Variants in B3GALT1 observed in about 807,000 individuals in gnomAD.
B3GALT1 encodes beta-1,3-galactosyltransferase 1.
In B3GALT1, 10 loss-of-function variants were observed where a neutral mutation model predicts 23.2. The ratio of observed to expected loss-of-function variants is 0.43; its 90% CI spans 0.27 to 0.73. The LOEUF (loss-of-function observed/expected upper bound fraction) is 0.73. Among genes scored for constraint, B3GALT1 ranks in the 30% least tolerant of loss-of-function variants. B3GALT1 has a pLI of 0.21. For synonymous variants in B3GALT1, 156 were observed against 141.5 expected (o/e 1.10, Z -0.73); for missense variants, 299 against 405.4 (o/e 0.74, Z 2.25).
chr2:167,637,391 C>T (rs1282457936), intron 2 of B3GALT1, among the ~76,000 whole-genome samples: 2 of 151,786 alleles, frequency 1.3e-5, no homozygotes, highest in Non-Finnish European at 1.5e-5. Flanking sequence ...AATATTTTTA[C>T]GTATTTATGG....
intron 3 of B3GALT1, among the ~76,000 whole-genome samples, chr2:167,784,264 C>A (rs1443246892): frequency 6.6e-6 from 1 of 152,172 alleles, no homozygotes; most frequent in East Asian, 1.9e-4. Flanking sequence ...GAGATGTGCA[C>A]CCCTGCAGAG....
At chr2:167,576,002 C>G (rs1684374697) in intron 2 of B3GALT1, among the ~76,000 whole-genome samples, 1 of 151,618 alleles carries the variant, frequency 6.6e-6, no homozygotes, top group South Asian at 2.1e-4. Context: ...CTTAATAAAA[C>G]CCATAAATAA....
intron 1 of B3GALT1, among the ~76,000 whole-genome samples, chr2:167,459,749 AT>A (rs1389759199): frequency 6.6e-6 from 1 of 152,104 alleles, no homozygotes; most frequent in African/African-American, 2.4e-5. Context: ...TCATTTCACC[AT>A]GTAGGACTCC....
chr2:167,406,783 G>GA (rs1412434051), intron 1 of B3GALT1, among the ~76,000 whole-genome samples: 1 of 152,180 alleles, frequency 6.6e-6, no homozygotes, highest in Non-Finnish European at 1.5e-5. Flanking sequence ...CATGCTGTCG[G>GA]ATGGTACATT....
At chr2:167,701,375 G>C (rs1173755999) in intron 3 of B3GALT1, among the ~76,000 whole-genome samples, 1 of 152,082 alleles carries the variant, frequency 6.6e-6, no homozygotes, top group Non-Finnish European at 1.5e-5. Flanking sequence ...AAGATTTCCA[G>C]TGCAGCAGCC....
intron 4 of B3GALT1, among the ~76,000 whole-genome samples, chr2:167,819,000 A>G (rs1159129359): frequency 6.6e-6 from 1 of 152,176 alleles, no homozygotes; most frequent in Non-Finnish European, 1.5e-5. Flanking sequence ...TTCTTTTTTA[A>G]AATTTTTAAT....
intron 2 of B3GALT1, among the ~76,000 whole-genome samples, chr2:167,513,287 G>A (rs1019575871): frequency 6.6e-6 from 1 of 152,070 alleles, no homozygotes; most frequent in East Asian, 1.9e-4. Context: ...GGGAAAATAA[G>A]GATGCTTGCT....
At chr2:167,459,574 AATAATTTTT>A (rs1699225563) in intron 1 of B3GALT1, among the ~76,000 whole-genome samples, 1 of 152,196 alleles carries the variant, frequency 6.6e-6, no homozygotes, top group African/African-American at 2.4e-5. Flanking sequence ...GCTTTGGACT[AATAATTTTT>A]TTCAAACGTA....
At chr2:167,857,546 A>C (rs1343115717) in intron 4 of B3GALT1, among the ~76,000 whole-genome samples, 1 of 152,056 alleles carries the variant, frequency 6.6e-6, no homozygotes, top group African/African-American at 2.4e-5. Context: ...GTATCCAGTG[A>C]GAGTGAAGCT....
chr2:167,510,969 A>G (rs1185596301), intron 2 of B3GALT1, among the ~76,000 whole-genome samples: 9 of 152,212 alleles, frequency 5.9e-5, no homozygotes, highest in Admixed American at 5.2e-4. Flanking sequence ...AAATTAAAAT[A>G]GCAATATTAG....
chr2:167,734,719 T>C (rs1687465893), intron 3 of B3GALT1, among the ~76,000 whole-genome samples: 1 of 152,196 alleles, frequency 6.6e-6, no homozygotes, highest in African/African-American at 2.4e-5. Context: ...TCCCCAAGTA[T>C]CGTTCCTGGA....
At chr2:167,395,124 A>G (rs1698075213) in intron 1 of B3GALT1, among the ~76,000 whole-genome samples, 1 of 152,138 alleles carries the variant, frequency 6.6e-6, no homozygotes, top group South Asian at 2.1e-4. Context: ...TTTAAGGGGT[A>G]GGTATTAAGA....
At chr2:167,481,873 C>T (rs1699566856) in intron 1 of B3GALT1, among the ~76,000 whole-genome samples, 2 of 152,094 alleles carry the variant, frequency 1.3e-5, no homozygotes, top group Admixed American at 1.3e-4. Context: ...TCAGGATGCA[C>T]AATTTTAAGG....
intron 2 of B3GALT1, among the ~76,000 whole-genome samples, chr2:167,564,109 G>A (rs868608577): frequency 6.0e-4 from 91 of 151,524 alleles, no homozygotes; most frequent in African/African-American, 2.1e-3. Context: ...TCTCAGACGG[G>A]GCGGCTGCCT....
At position 167,868,885 on chromosome 2, in the gene B3GALT1, C is replaced by A; in HGVS notation, c.-155C>A. Reference sequence around the variant, plus strand: ...GAAAGTAGAATGAGCGCAGAGGTGACAGACAGCCACTGAGGCCCATGGACA... The same window carrying A: ...GAAAGTAGAATGAGCGCAGAGGTGAAAGACAGCCACTGAGGCCCATGGACA... On this transcript the variant is annotated 5_prime_UTR_variant, in exon 5 of 5. Transcript: ENST00000392690. The A allele has an allele frequency of 1.2e-6, 1 of 820,098 alleles. No individual in the cohort carries two copies. The highest frequency in any genetic ancestry group is 1.9e-6 in the Non-Finnish European group (1 of 530,564). 50.8% of individuals were successfully genotyped at this position (820,098 alleles called of 1,614,324 possible).
chr2:167,849,387 A>T (rs1024272154), intron 4 of B3GALT1, among the ~76,000 whole-genome samples: 1 of 152,206 alleles, frequency 6.6e-6, no homozygotes, highest in Admixed American at 6.5e-5. Context: ...ATAGGCACAT[A>T]GACCGATGGA....
intron 3 of B3GALT1, among the ~76,000 whole-genome samples, chr2:167,722,918 GAA>G (rs1170426558): frequency 6.6e-6 from 1 of 152,072 alleles, no homozygotes; most frequent in Non-Finnish European, 1.5e-5. Flanking sequence ...AAGTGTAAAG[GAA>G]AAGAGAAAGT....
At chr2:167,368,229 G>A (rs1033062637) in intron 1 of B3GALT1, among the ~76,000 whole-genome samples, 1 of 152,122 alleles carries the variant, frequency 6.6e-6, no homozygotes, top group African/African-American at 2.4e-5. Context: ...TGACTGGAGT[G>A]CTCAAGTTCA....
intron 3 of B3GALT1, among the ~76,000 whole-genome samples, chr2:167,656,871 A>G (rs1685964294): frequency 6.6e-6 from 1 of 152,116 alleles, no homozygotes; most frequent in South Asian, 2.1e-4. Context: ...TTTTTTGTCT[A>G]ACTAGAGAAA....
Sources: gnomAD v4.1 joint callset for allele counts (sites outside exome capture counted in the v4.1 genomes callset) on GRCh38, gnomAD v4.1.1 for gene constraint, MANE v1.5 for transcripts, NCBI Gene and HGNC (gene_info 2026-07-23, HGNC 2026-07-21) for gene names.